The following KLF8 variants were observed in gnomAD, a reference collection of about 807,000 sequenced individuals.
KLF8 encodes KLF transcription factor 8.
KLF8 carries 10 observed loss-of-function variants against 18.2 expected under a neutral mutation model. That is an observed-to-expected ratio of 0.55 (90% CI 0.34 to 0.93). The LOEUF (loss-of-function observed/expected upper bound fraction) is 0.93. Among genes scored for constraint, KLF8 ranks in the 40% least tolerant of loss-of-function variants. The pLI, the probability that KLF8 is intolerant of heterozygous loss-of-function variation, is 0.02. For synonymous variants in KLF8, 109 were observed against 97.3 expected (o/e 1.12, Z -0.71); for missense variants, 264 against 277.9 (o/e 0.95, Z 0.36).
chrX:56,034,748 CT>C, the KLF8 span, among the ~76,000 whole-genome samples: 718 of 53,682 alleles, frequency 0.013, no homozygotes, highest in African/African-American at 0.028. Flanking sequence ...GAACTTATTT[CT>C]TTTTTTTTTT....
chrX:55,911,722 CACAAAT>C, the KLF8 span, among the ~76,000 whole-genome samples: 10 of 112,013 alleles, frequency 8.9e-5, no homozygotes, highest in African/African-American at 2.9e-4. Flanking sequence ...GAACAAGTCA[CACAAAT>C]ACAAAGTTTT....
the KLF8 span, among the ~76,000 whole-genome samples, chrX:55,995,010 A>AG: frequency 9.0e-6 from 1 of 111,665 alleles, no homozygotes; most frequent in Non-Finnish European, 1.9e-5. Flanking sequence ...CTGTTAATGG[A>AG]GTCTCCCACT....
chrX:56,056,959 T>A, the KLF8 span, among the ~76,000 whole-genome samples: 5 of 111,389 alleles, frequency 4.5e-5, no homozygotes, highest in African/African-American at 1.6e-4. Flanking sequence ...CTGAAGAATC[T>A]GTTCGTTTTT....
the KLF8 span, among the ~76,000 whole-genome samples, chrX:56,015,739 T>G: frequency 9.0e-6 from 1 of 111,647 alleles, no homozygotes; most frequent in East Asian, 2.8e-4. Flanking sequence ...AAGAGGTTGT[T>G]TTAATAGTTA....
chrX:56,160,246 C>T, the KLF8 span, among the ~76,000 whole-genome samples: 2 of 111,881 alleles, frequency 1.8e-5, no homozygotes, highest in Non-Finnish European at 3.8e-5. Flanking sequence ...GCACTGTGGT[C>T]TGAGAGACAG....
chrX:56,186,668 C>A, the KLF8 span, among the ~76,000 whole-genome samples: 1 of 111,821 alleles, frequency 8.9e-6, no homozygotes, highest in South Asian at 3.7e-4. Context: ...GAAATTATAA[C>A]AAACTGTCTC....
intron 2 of KLF8, among the ~76,000 whole-genome samples, chrX:56,261,996 A>C (rs1345680287): frequency 8.9e-6 from 1 of 111,925 alleles, no homozygotes; most frequent in Non-Finnish European, 1.9e-5. Flanking sequence ...AGATTCACTT[A>C]GACATAAGAG....
At chrX:56,018,674 G>C in the KLF8 span, among the ~76,000 whole-genome samples, 24,150 of 109,930 alleles carry the variant, frequency 0.22, 5,427 homozygotes, top group African/African-American at 0.69. Flanking sequence ...ATGCTAATTT[G>C]CTATACTATA....
At chrX:56,271,796 G>A (rs941118175) in intron 5 of KLF8, among the ~76,000 whole-genome samples, 1 of 110,788 alleles carries the variant, frequency 9.0e-6, no homozygotes, top group Non-Finnish European at 1.9e-5. Flanking sequence ...TTGATCTTAG[G>A]TTCCTCAACC....
At chrX:56,121,116 G>A in the KLF8 span, among the ~76,000 whole-genome samples, 5 of 105,692 alleles carry the variant, frequency 4.7e-5, no homozygotes, top group African/African-American at 1.0e-4. Context: ...AACCCGGGAG[G>A]CGGAGCTTGC....
the KLF8 span, among the ~76,000 whole-genome samples, chrX:55,950,633 C>G: frequency 9.0e-6 from 1 of 111,536 alleles, no homozygotes; most frequent in Non-Finnish European, 1.9e-5. Context: ...ACCAGTATCA[C>G]CCTGTCTAGG....
chrX:56,140,962 G>A, the KLF8 span, among the ~76,000 whole-genome samples: 1 of 110,792 alleles, frequency 9.0e-6, no homozygotes, highest in Non-Finnish European at 1.9e-5. Context: ...TGTTTACTTT[G>A]CATTTGTTAA....
chrX:56,244,861 A>G (rs181489359), intron 1 of KLF8, among the ~76,000 whole-genome samples: 2 of 112,554 alleles, frequency 1.8e-5, no homozygotes, highest in East Asian at 5.6e-4. Context: ...GATGAATGAT[A>G]TCTGCTTAAG....
chrX:56,131,074 T>C, the KLF8 span, among the ~76,000 whole-genome samples: 17 of 111,728 alleles, frequency 1.5e-4, no homozygotes, highest in Admixed American at 1.5e-3. Flanking sequence ...TTTGAAGGAA[T>C]AATCAAGAAA....
At chrX:56,128,273 A>G in the KLF8 span, among the ~76,000 whole-genome samples, 35 of 112,354 alleles carry the variant, frequency 3.1e-4, no homozygotes, top group African/African-American at 1.1e-3. Context: ...GAAAGAACTC[A>G]TGATGGTTTT....
rs1409882723 is a variant in KLF8, at chrX:56,290,496, TA to T, written c.*6003del. Among the ~76,000 whole-genome samples, 1 of 111,725 alleles carries T rather than the reference TA, an allele frequency of 9.0e-6. No homozygotes were observed. The highest frequency in any genetic ancestry group is 1.9e-5 in the Non-Finnish European group (1 of 53,137). On this transcript the variant is annotated 3_prime_UTR_variant, in exon 6 of 6. Transcript: ENST00000468660. ...TTCACTTTCCCTATATCTTCTTTGTTACTAACAATACGATTATCATCTGTTT... is the reference window on the plus strand; with the variant it reads ...TTCACTTTCCCTATATCTTCTTTGTTCTAACAATACGATTATCATCTGTTT...
chrX:56,182,027 G>A, the KLF8 span, among the ~76,000 whole-genome samples: 1 of 111,777 alleles, frequency 8.9e-6, no homozygotes. Context: ...GGTTGAGGAA[G>A]TTCTCCTGGA....
chrX:55,982,914 G>C, the KLF8 span, among the ~76,000 whole-genome samples: 1 of 111,883 alleles, frequency 8.9e-6, no homozygotes, highest in Non-Finnish European at 1.9e-5. Flanking sequence ...GAATGAAGTA[G>C]GCAGGCAAAT....
At chrX:56,184,107 C>A in the KLF8 span, among the ~76,000 whole-genome samples, 1 of 112,440 alleles carries the variant, frequency 8.9e-6, no homozygotes, top group African/African-American at 3.2e-5. Flanking sequence ...TCAGGGAGTT[C>A]CCTTTCCTAG....
Sources: allele counts gnomAD v4.1 joint callset (sites outside exome capture counted in the v4.1 genomes callset), GRCh38; gene constraint gnomAD v4.1.1; transcripts MANE v1.5; gene names NCBI Gene and HGNC (gene_info 2026-07-23, HGNC 2026-07-21).